ERLEC1: variants seen among roughly 807,000 people sequenced by gnomAD.
ERLEC1 encodes ER lectin.
ERLEC1 carries 47 observed loss-of-function variants against 68.0 expected under a neutral mutation model. The observed-to-expected ratio is 0.69, with a 90% CI of 0.55 to 0.88. The LOEUF is 0.88. Among genes scored for constraint, ERLEC1 ranks in the 40% least tolerant of loss-of-function variants. The probability of loss-of-function intolerance (pLI) is 0.00; values close to 1 mark genes in which losing one functional copy is unlikely to be tolerated. For synonymous variants in ERLEC1, 225 were observed against 203.2 expected (o/e 1.11, Z -0.91); for missense variants, 567 against 583.8 (o/e 0.97, Z 0.30).
chr2:53,814,999 T>C (rs868468202), intron 13 of ERLEC1, 64 bp downstream of exon 13: 59 of 805,938 alleles, frequency 7.3e-5, no homozygotes, highest in East Asian at 4.9e-4. Flanking sequence ...TTTTTTCTTT[T>C]TTTTTTTTTT....
intron 1 of ERLEC1, among the ~76,000 whole-genome samples, chr2:53,789,230 C>A (rs944556243): frequency 2.0e-5 from 3 of 151,884 alleles, no homozygotes; most frequent in Admixed American, 6.6e-5. Context: ...CCCATCTCTA[C>A]TAAAAACACA....
intron 2 of ERLEC1, among the ~76,000 whole-genome samples, chr2:53,795,328 T>G (rs1373430689): frequency 1.3e-5 from 2 of 152,172 alleles, no homozygotes; most frequent in East Asian, 1.9e-4. Context: ...CTCAATAAAT[T>G]TATTAAGCCA....
At position 53,817,420 on chromosome 2, in the gene ERLEC1, A is replaced by G. The variant is rs180848427; in HGVS notation, c.1381-478A>G. Among the ~76,000 whole-genome samples, 339 of 152,310 alleles carry G rather than the reference A, an allele frequency of 2.2e-3. 1 individual carries two copies. The highest frequency in any genetic ancestry group is 3.9e-3 in the Non-Finnish European group (262 of 68,024). ...AGTGCTGGGATTACAGGCATGAGCC[A>G]TCGTGCCCAGCCTCCACTTGGTTCT... On this transcript the variant is annotated intron_variant, in intron 13 of 13. Transcript: ENST00000185150.
At chr2:53,787,398 C>T in intron 1 of ERLEC1, 26 bp downstream of exon 1, 1 of 1,592,102 alleles carries the variant, frequency 6.3e-7, no homozygotes, top group Non-Finnish European at 8.6e-7. Context: ...AACCCCGCAG[C>T]CACCCCTCCT....
At chr2:53,816,670 T>C (rs1383768178) in intron 13 of ERLEC1, among the ~76,000 whole-genome samples, 2 of 152,238 alleles carry the variant, frequency 1.3e-5, no homozygotes, top group African/African-American at 4.8e-5. Context: ...TTTTGTGTTC[T>C]AAGAAATTTT....
intron 9 of ERLEC1, among the ~76,000 whole-genome samples, chr2:53,808,725 T>C (rs1676432746): frequency 1.3e-5 from 2 of 152,252 alleles, no homozygotes; most frequent in Admixed American, 1.3e-4. Context: ...ATTGCTAGAA[T>C]GAGCATGTGA....
At chr2:53,797,448 A>C (rs1339928070) in intron 3 of ERLEC1, 67 bp from the exon 4 acceptor site, 6 of 1,197,720 alleles carry the variant, frequency 5.0e-6, no homozygotes, top group Admixed American at 4.7e-5. Flanking sequence ...AGCTGCTTCA[A>C]ATATCAGAAA....
chr2:53,802,508 C>G (rs1676060125), intron 8 of ERLEC1, among the ~76,000 whole-genome samples: 1 of 152,204 alleles, frequency 6.6e-6, no homozygotes, highest in South Asian at 2.1e-4. Context: ...TTTCTTGGAA[C>G]CAGAAACTGG....
chr2:53,793,120 A>G (rs1254442700), intron 1 of ERLEC1, among the ~76,000 whole-genome samples: 1 of 152,200 alleles, frequency 6.6e-6, no homozygotes, highest in Non-Finnish European at 1.5e-5. Flanking sequence ...GTACCATAAG[A>G]GGAAAGTGAA....
intron 1 of ERLEC1, among the ~76,000 whole-genome samples, chr2:53,791,461 G>A (rs1219760951): frequency 6.6e-6 from 1 of 152,062 alleles, no homozygotes; most frequent in East Asian, 1.9e-4. Context: ...TATACAATCA[G>A]AATCCTGATT....
intron 2 of ERLEC1, among the ~76,000 whole-genome samples, chr2:53,795,151 CCCTAATTGCCT>C (rs1352524811): frequency 2.6e-5 from 4 of 152,120 alleles, no homozygotes; most frequent in Non-Finnish European, 5.9e-5. Context: ...TCCTAAAATG[CCCTAATTGCCT>C]CTTATCCATC....
intron 1 of ERLEC1, among the ~76,000 whole-genome samples, 155 bp from the exon 2 acceptor site, chr2:53,794,190 T>C (rs1031709285): frequency 2.6e-5 from 4 of 152,318 alleles, no homozygotes; most frequent in Middle Eastern, 3.4e-3. Flanking sequence ...AAAATTTTTG[T>C]TAATGTTTGT....
At chr2:53,796,044 A>G (rs765404639) in intron 3 of ERLEC1, 31 bp downstream of exon 3, 18 of 1,391,426 alleles carry the variant, frequency 1.3e-5, no homozygotes, top group South Asian at 2.5e-5. Flanking sequence ...TGATGACTAG[A>G]AAATAGATTA....
intron 10 of ERLEC1, among the ~76,000 whole-genome samples, chr2:53,812,166 C>T (rs143745360): frequency 6.8e-4 from 103 of 152,256 alleles, no homozygotes; most frequent in African/African-American, 2.4e-3. Flanking sequence ...TCGCCCACCT[C>T]AGCCTCCCAA....
chr2:53,788,645 G>T (rs1243386524), intron 1 of ERLEC1: 1 of 151,696 alleles, frequency 6.6e-6, no homozygotes, highest in Non-Finnish European at 1.5e-5. Flanking sequence ...CAATCCTCGT[G>T]CCTGAGCCTC....
rs1423980522 is a variant in ERLEC1 at position 53,788,909 on chromosome 2, AT to A, written c.162+1543del. ...ATGTTTGAAGAATTATGTCATTAAA[AT>A]TTTTTACTCTTGGCACCTGTGTTTT... is the stretch of plus-strand genomic sequence containing the variant. On this transcript the variant is annotated intron_variant, in intron 1 of 13. Coordinates refer to ENST00000185150, the MANE Select transcript of ERLEC1 (RefSeq NM_015701.5). 2.6e-5 allele frequency among the ~76,000 whole-genome samples: 4 copies of A among 152,012 alleles called. No individual in the cohort carries two copies. In the East Asian group the frequency reaches 7.7e-4, roughly 29 times the overall value.
intron 10 of ERLEC1, among the ~76,000 whole-genome samples, chr2:53,810,814 C>T (rs1198824612): frequency 6.6e-6 from 1 of 152,032 alleles, no homozygotes; most frequent in Non-Finnish European, 1.5e-5. Flanking sequence ...TTTAAGTATT[C>T]TTTCCATTTA....
chr2:53,798,860 T>C (rs1675856690), intron 5 of ERLEC1, among the ~76,000 whole-genome samples, 187 bp from the exon 6 acceptor site: 1 of 152,020 alleles, frequency 6.6e-6, no homozygotes, highest in Non-Finnish European at 1.5e-5. Flanking sequence ...GGGTAAAGAT[T>C]AAATATGACT....
At chr2:53,787,560 C>G in intron 1 of ERLEC1, 188 bp downstream of exon 1, 2 of 580,958 alleles carry the variant, frequency 3.4e-6, no homozygotes, top group Non-Finnish European at 5.6e-6. Context: ...ATGCGTCCCC[C>G]TTGCTGAGCA....
Sources: allele counts gnomAD v4.1 joint callset (sites outside exome capture counted in the v4.1 genomes callset), GRCh38; gene constraint gnomAD v4.1.1; transcripts MANE v1.5; gene names NCBI Gene and HGNC (gene_info 2026-07-23, HGNC 2026-07-21).